The following JPH3 variants were observed in gnomAD, a reference collection of about 807,000 sequenced individuals.
JPH3 encodes the protein junctophilin-3.
A neutral mutation model predicts 59.6 loss-of-function variants in JPH3; 11 were observed. The ratio of observed to expected loss-of-function variants is 0.18; its 90% CI spans 0.12 to 0.31. JPH3 has a LOEUF of 0.31. Ranked by LOEUF, JPH3 falls within the 10% of genes least tolerant of loss-of-function variation. The pLI, the probability that JPH3 is intolerant of heterozygous loss-of-function variation, is 1.00. For missense variants in JPH3, 1,202 were observed against 1,105.7 expected (o/e 1.09, Z -1.24); for synonymous variants, 673 against 483.6 (o/e 1.39, Z -5.14).
intron 1 of JPH3, among the ~76,000 whole-genome samples, chr16:87,640,840 C>T (rs1214769770): frequency 1.3e-5 from 2 of 152,256 alleles, no homozygotes; most frequent in Non-Finnish European, 2.9e-5. Context: ...GGGGCAGTCG[C>T]TGAGGGTGCA....
Position 87,667,851 on chromosome 16 carries a change from C to G in JPH3, c.1161-16291C>G, listed in dbSNP as rs185219783. 1.3e-3 allele frequency among the ~76,000 whole-genome samples: 194 copies of G among 152,176 alleles called. 4 individuals carry two copies. Among genetic ancestry groups the G allele is most frequent in the East Asian group, 6.4e-3 (33 of 5,178 alleles). ...TGTTTTGTTTTTGTTTTTCCTACAACCCCTTTAAAATGCAAAACCCGTTCC... is the reference window on the plus strand; with the variant it reads ...TGTTTTGTTTTTGTTTTTCCTACAAGCCCTTTAAAATGCAAAACCCGTTCC... On this transcript the variant is annotated intron_variant, in intron 2 of 4. Transcript: ENST00000284262.
At chr16:87,633,651 T>C (rs1480267419) in intron 1 of JPH3, among the ~76,000 whole-genome samples, 2 of 151,988 alleles carry the variant, frequency 1.3e-5, no homozygotes, top group African/African-American at 4.8e-5. Flanking sequence ...ATACAAAGAT[T>C]AGCTGGGTGT....
At chr16:87,616,380 C>T (rs972988595) in intron 1 of JPH3, among the ~76,000 whole-genome samples, 16 of 151,068 alleles carry the variant, frequency 1.1e-4, no homozygotes, top group African/African-American at 3.9e-4. Flanking sequence ...ACTACAGGCG[C>T]CCGCCACCAC....
At chr16:87,634,907 T>C (rs548112864) in intron 1 of JPH3, among the ~76,000 whole-genome samples, 1 of 152,340 alleles carries the variant, frequency 6.6e-6, no homozygotes, top group South Asian at 2.1e-4. Flanking sequence ...ACTGGGGTTA[T>C]TTTACCTGTC....
chr16:87,676,864 C>T (rs535091909), intron 2 of JPH3, among the ~76,000 whole-genome samples: 5 of 151,766 alleles, frequency 3.3e-5, no homozygotes, highest in Admixed American at 6.6e-5. Context: ...GGCGAAACCC[C>T]GTCTCTACTA....
chr16:87,685,086 G>A (rs1012767204), intron 3 of JPH3, among the ~76,000 whole-genome samples: 2 of 152,196 alleles, frequency 1.3e-5, no homozygotes, highest in African/African-American at 4.8e-5. Context: ...GAACTTGCTC[G>A]CAACGCCTGC....
intron 1 of JPH3, among the ~76,000 whole-genome samples, chr16:87,636,704 CA>C (rs1240289981): frequency 6.6e-6 from 1 of 152,202 alleles, no homozygotes; most frequent in African/African-American, 2.4e-5. Flanking sequence ...ATGTTCCCAC[CA>C]GGGGCAAAAA....
intron 1 of JPH3, among the ~76,000 whole-genome samples, chr16:87,629,504 T>C (rs542727760): frequency 8.3e-4 from 126 of 152,034 alleles, no homozygotes; most frequent in Middle Eastern, 3.4e-3. Context: ...GAAGATGCCA[T>C]TAAATAGGGA....
intron 1 of JPH3, among the ~76,000 whole-genome samples, chr16:87,636,121 T>C (rs1306129225): frequency 6.6e-6 from 1 of 152,216 alleles, no homozygotes; most frequent in Non-Finnish European, 1.5e-5. Context: ...AAGCCGCCTG[T>C]TCTGCAGGTG....
At chr16:87,688,659 A>C (rs2033477531) in intron 3 of JPH3, among the ~76,000 whole-genome samples, 1 of 151,958 alleles carries the variant, frequency 6.6e-6, no homozygotes, top group Non-Finnish European at 1.5e-5. Context: ...GACTCCCCAA[A>C]TTCCCACAGA....
chr16:87,661,411 TCTC>T lies in JPH3; in HGVS notation c.1160+16380_1160+16382del, dbSNP rs547043315. 1.4e-3 allele frequency among the ~76,000 whole-genome samples: 206 copies of T among 152,368 alleles called. 2 individuals carry two copies. Among genetic ancestry groups the T allele is most frequent in the African/African-American group, 4.7e-3 (196 of 41,592 alleles). ...AGGGCTGTGTTTCTGCTGACCACGCTCTCCTCTGGGCCTGCCCTTTGCATCTGC... is the reference window on the plus strand; with the variant it reads ...AGGGCTGTGTTTCTGCTGACCACGCTCTCTGGGCCTGCCCTTTGCATCTGC... On this transcript the variant is annotated intron_variant, in intron 2 of 4. Coordinates refer to ENST00000284262, the MANE Select transcript of JPH3 (RefSeq NM_020655.4).
intron 2 of JPH3, among the ~76,000 whole-genome samples, chr16:87,645,975 G>C (rs2032134683): frequency 6.6e-6 from 1 of 152,250 alleles, no homozygotes; most frequent in African/African-American, 2.4e-5. Context: ...CTTTCCACCG[G>C]CATTTGCTTT....
chr16:87,674,967 G>A lies in JPH3; in HGVS notation c.1161-9175G>A, dbSNP rs1391958881. 2.0e-5 allele frequency among the ~76,000 whole-genome samples: 3 copies of A among 152,086 alleles called. No homozygotes were observed. In the East Asian group the frequency reaches 5.8e-4, roughly 29 times the overall value. ...GTAGAGATGGGGGTTTCACCATGTTGGCCAGGCTGGTCTTGAACTCCTGAC... is the reference window on the plus strand; with the variant it reads ...GTAGAGATGGGGGTTTCACCATGTTAGCCAGGCTGGTCTTGAACTCCTGAC... On this transcript the variant is annotated intron_variant, in intron 2 of 4. Transcript: ENST00000284262.
chr16:87,642,013 G>T (rs1164038802), intron 1 of JPH3, among the ~76,000 whole-genome samples: 1 of 152,198 alleles, frequency 6.6e-6, no homozygotes, highest in Non-Finnish European at 1.5e-5. Context: ...GAGCCCATGG[G>T]ATTCGATTGG....
rs745363145 is a variant in JPH3, at chr16:87,644,517, G to A, written c.642G>A (p.Leu214=). ...SEILKSKKKG[L]FRRSLLSGLK... is the part of the protein sequence containing the mutation. ...TCCTCAAGAGCAAGAAGAAGGGGCTGTTTCGGCGCTCGCTGCTGAGTGGGC... is the reference window on the plus strand; with the variant it reads ...TCCTCAAGAGCAAGAAGAAGGGGCTATTTCGGCGCTCGCTGCTGAGTGGGC... Residue 214 remains leucine (L), a synonymous_variant, in exon 2 of 5, where the codon CTG becomes CTA. Coordinates refer to ENST00000284262, the MANE Select transcript of JPH3 (RefSeq NM_020655.4). 11 of 1,612,818 alleles carry A rather than the reference G, an allele frequency of 6.8e-6. No individual in the cohort carries two copies. In the African/African-American group the frequency reaches 8.0e-5, roughly 12 times the overall value.
At chr16:87,646,966 A>G (rs1213015662) in intron 2 of JPH3, among the ~76,000 whole-genome samples, 1 of 152,190 alleles carries the variant, frequency 6.6e-6, no homozygotes, top group Non-Finnish European at 1.5e-5. Flanking sequence ...GTTCCCATTA[A>G]GGAGCCCAGG....
intron 4 of JPH3, among the ~76,000 whole-genome samples, chr16:87,693,260 GC>G (rs928662860): frequency 6.6e-6 from 1 of 152,212 alleles, no homozygotes; most frequent in Non-Finnish European, 1.5e-5. Context: ...GGCTGCAGGT[GC>G]CCCCTAGGCA....
intron 2 of JPH3, among the ~76,000 whole-genome samples, chr16:87,676,692 C>G (rs1323061274): frequency 4.0e-5 from 6 of 151,646 alleles, no homozygotes; most frequent in Non-Finnish European, 5.9e-5. Context: ...TGAGATCACA[C>G]CACTGTACTC....
intron 4 of JPH3, chr16:87,695,005 G>A (rs993874663): frequency 2.0e-5 from 6 of 303,946 alleles, no homozygotes; most frequent in Non-Finnish European, 3.9e-5. Flanking sequence ...TCCTGCTGCC[G>A]GGAGTGTGTG....
Sources: gnomAD v4.1 joint callset for allele counts (sites outside exome capture counted in the v4.1 genomes callset) on GRCh38, gnomAD v4.1.1 for gene constraint, MANE v1.5 for transcripts, NCBI Gene and HGNC (gene_info 2026-07-23, HGNC 2026-07-21) for gene names.